LPCAT2: variants seen among roughly 807,000 people sequenced by gnomAD.
LPCAT2 encodes 1-AGP acyltransferase 11.
Under a neutral mutation model 64.7 loss-of-function variants are expected in LPCAT2, and 58 were observed. The observed-to-expected ratio is 0.90, with a 90% CI of 0.73 to 1.12. The LOEUF is 1.12. Among genes scored for constraint, LPCAT2 ranks in the 50% most tolerant of loss-of-function variants. LPCAT2 has a pLI of 0.00. For synonymous variants in LPCAT2, 252 were observed against 245.3 expected, an observed-to-expected ratio of 1.03 and a Z score of -0.26; for missense variants, 579 against 669.8, an observed-to-expected ratio of 0.86 and a Z score of 1.50.
At chr16:55,521,558 C>A in intron 1 of LPCAT2, among the ~76,000 whole-genome samples, 1 of 151,602 alleles carries the variant, frequency 6.6e-6, no homozygotes, top group Non-Finnish European at 1.5e-5. Flanking sequence ...TCCTCATGAT[C>A]ATAGCTAAAA....
At chr16:55,578,591 C>G (rs1963854910) in intron 12 of LPCAT2, among the ~76,000 whole-genome samples, 2 of 152,100 alleles carry the variant, frequency 1.3e-5, no homozygotes, top group South Asian at 4.1e-4. Flanking sequence ...CCTCTTGCTC[C>G]CAATTCATCC....
intron 11 of LPCAT2, among the ~76,000 whole-genome samples, chr16:55,562,677 T>C (rs577791492): frequency 6.6e-6 from 1 of 152,026 alleles, no homozygotes; most frequent in South Asian, 2.1e-4. Flanking sequence ...CTTTGTAACC[T>C]AAGTACTGAG....
intron 1 of LPCAT2, among the ~76,000 whole-genome samples, chr16:55,521,782 A>G (rs1407411559): frequency 1.3e-5 from 2 of 151,710 alleles, no homozygotes; most frequent in African/African-American, 4.8e-5. Context: ...AACTCACCTG[A>G]CAAAATTCAA....
intron 13 of LPCAT2, among the ~76,000 whole-genome samples, 156 bp from the exon 14 acceptor site, chr16:55,582,758 C>A (rs1204865674): frequency 6.6e-6 from 1 of 152,096 alleles, no homozygotes; most frequent in Admixed American, 6.5e-5. Context: ...AACTATCTCC[C>A]AAAGTGGTTG....
In LPCAT2 at chr16:55,545,755, A is replaced by C; in HGVS notation, c.873A>C (p.Pro291=). ...TTCAGTTTATGCCAGTTCAAGTACC[A>C]AATGATGAAGAAAAAAATGATCCTG... ...VEVEFMPVQV[P]NDEEKNDPVL... The change falls in exon 9 of 14, where the codon CCA becomes CCC. Residue 291 remains proline (P), a synonymous_variant. Coordinates refer to ENST00000262134, the MANE Select transcript of LPCAT2 (RefSeq NM_017839.5). 1 of 1,613,230 alleles carries C rather than the reference A, an allele frequency of 6.2e-7. No individual in the cohort carries two copies. Among genetic ancestry groups the C allele is most frequent in the Non-Finnish European group, 8.5e-7 (1 of 1,179,542 alleles).
chr16:55,572,446 A>C (rs890609932), intron 11 of LPCAT2, among the ~76,000 whole-genome samples: 8 of 152,212 alleles, frequency 5.3e-5, no homozygotes, highest in African/African-American at 1.9e-4. Context: ...TAATTGCAGA[A>C]GAAATGTATC....
chr16:55,546,617 CTATAAG>C (rs1432165814), intron 9 of LPCAT2, among the ~76,000 whole-genome samples: 2 of 152,100 alleles, frequency 1.3e-5, no homozygotes, highest in African/African-American at 2.4e-5. Context: ...GTATGTGTCT[CTATAAG>C]TATATGTTTT....
chr16:55,566,849 A>G, intron 11 of LPCAT2: 7 of 1,613,878 alleles, frequency 4.3e-6, no homozygotes, highest in Non-Finnish European at 5.9e-6. Context: ...AGAGAAGAGA[A>G]GGAGGAGGAA....
At position 55,556,735 on chromosome 16, in the gene LPCAT2, G is replaced by A. The variant is rs889257136; in HGVS notation, c.1215+5633G>A. On this transcript the variant is annotated intron_variant, in intron 11 of 13. Transcript: ENST00000262134. ...TGCACTCCAGCCTGGGCGACAGAGCGAGACTCCGTCTCAAAAAAAAAAGAG... is the reference window on the plus strand; with the variant it reads ...TGCACTCCAGCCTGGGCGACAGAGCAAGACTCCGTCTCAAAAAAAAAAGAG... Among the ~76,000 whole-genome samples, 5 of 152,126 alleles carry A rather than the reference G, an allele frequency of 3.3e-5. No individual in the cohort carries two copies. The East Asian group carries it at 9.6e-4, about 29-fold the overall frequency.
At chr16:55,573,267 C>T (rs2082596273) in intron 11 of LPCAT2, among the ~76,000 whole-genome samples, 2 of 152,278 alleles carry the variant, frequency 1.3e-5, no homozygotes, top group Non-Finnish European at 2.9e-5. Context: ...CTTCACAGCC[C>T]TTCCTTCCCC....
intron 1 of LPCAT2, among the ~76,000 whole-genome samples, chr16:55,522,651 A>G (rs1396318820): frequency 6.6e-6 from 1 of 151,788 alleles, no homozygotes; most frequent in African/African-American, 2.4e-5. Flanking sequence ...TCAATGCAAC[A>G]GAAAGAAAAT....
intron 11 of LPCAT2, chr16:55,557,136 T>C (rs767653820): frequency 6.6e-6 from 1 of 152,230 alleles, no homozygotes; most frequent in Admixed American, 6.5e-5. Context: ...CAAAGCACTT[T>C]TCTTTTGATC....
At position 55,556,114 on chromosome 16, in the gene LPCAT2, A is replaced by C. The variant is rs755780349; in HGVS notation, c.1215+5012A>C. Reference sequence around the variant, plus strand: ...ACAGGTGTGAGTTACCACACCAGCCACAAGTAGATGATTGGATGTAACTGC... The same window carrying C: ...ACAGGTGTGAGTTACCACACCAGCCCCAAGTAGATGATTGGATGTAACTGC... On this transcript the variant is annotated intron_variant, in intron 11 of 13. Transcript: ENST00000262134. 3.3e-5 allele frequency among the ~76,000 whole-genome samples: 5 copies of C among 152,272 alleles called. No individual in the cohort carries two copies. The South Asian group carries it at 1.0e-3, about 32-fold the overall frequency.
Position 55,529,879 on chromosome 16 carries a change from C to G in LPCAT2, c.574C>G (p.Pro192Ala). The G allele has an allele frequency of 6.3e-7, 1 of 1,590,842 alleles. No homozygotes were observed. Among genetic ancestry groups the G allele is most frequent in the South Asian group, 1.1e-5 (1 of 89,156 alleles). ...ACCAGTTTTGGTGTCCCGTGTAGAT[C>G]CGGATTCCCGAAAAAACACAATAAA... is the stretch of plus-strand genomic sequence containing the variant. Reference protein sequence around the residue: ...VQPVLVSRVDPDSRKNTINEI... With the variant: ...VQPVLVSRVDADSRKNTINEI... Residue 192 changes from proline to alanine, a missense_variant, in exon 4 of 14, where the codon CCG (proline) becomes GCG (alanine). Pro to Ala is a conservative substitution (Grantham distance 27). Transcript: ENST00000262134.
chr16:55,565,819 T>G (rs1478159890), intron 11 of LPCAT2, among the ~76,000 whole-genome samples: 2 of 152,160 alleles, frequency 1.3e-5, no homozygotes, highest in East Asian at 3.8e-4. Context: ...GCCACTGAAC[T>G]CTATACTTAA....
At chr16:55,536,388 G>A (rs1372586242) in intron 7 of LPCAT2, among the ~76,000 whole-genome samples, 1 of 152,122 alleles carries the variant, frequency 6.6e-6, no homozygotes, top group African/African-American at 2.4e-5. Flanking sequence ...AGAATAGAAT[G>A]CATCTATTCA....
intron 11 of LPCAT2, chr16:55,567,384 A>C: frequency 6.2e-7 from 1 of 1,613,814 alleles, no homozygotes; most frequent in Non-Finnish European, 8.5e-7. Context: ...TAACAATTTC[A>C]TCAGCTGCTT....
intron 1 of LPCAT2, among the ~76,000 whole-genome samples, chr16:55,522,668 A>G (rs924581509): frequency 7.2e-5 from 11 of 151,748 alleles, no homozygotes; most frequent in Admixed American, 7.2e-4. Context: ...AAATCCATAC[A>G]TTAATATTCA....
intron 12 of LPCAT2, among the ~76,000 whole-genome samples, chr16:55,575,299 C>T (rs1250522064): frequency 6.6e-6 from 1 of 152,150 alleles, no homozygotes; most frequent in Non-Finnish European, 1.5e-5. Context: ...ATTCATGTCC[C>T]TGGTTCCCAC....
Sources: gnomAD v4.1 joint callset for allele counts (sites outside exome capture counted in the v4.1 genomes callset) on GRCh38, gnomAD v4.1.1 for gene constraint, MANE v1.5 for transcripts, NCBI Gene and HGNC (gene_info 2026-07-23, HGNC 2026-07-21) for gene names.